The following FKTN variants were observed in gnomAD, a reference collection of about 807,000 sequenced individuals.
FKTN encodes ribitol-5-phosphate transferase FKTN.
Under a neutral mutation model 58.6 loss-of-function variants are expected in FKTN, and 47 were observed. The observed-to-expected ratio is 0.80, with a 90% CI of 0.63 to 1.02. FKTN has a LOEUF of 1.02. FKTN is among the 50% of genes least tolerant of loss of function. FKTN has a pLI of 0.00. For synonymous variants in FKTN, 178 were observed against 191.9 expected (o/e 0.93, Z 0.60); for missense variants, 516 against 537.3 (o/e 0.96, Z 0.39).
At position 105,640,620 on chromosome 9, in the gene FKTN, C is replaced by T. The variant is rs553575648; in HGVS notation, c.*5356C>T. 31 of 151,950 alleles carry T rather than the reference C, an allele frequency of 2.0e-4. No individual in the cohort carries two copies. Among genetic ancestry groups the T allele is most frequent in the South Asian group, 1.0e-3 (5 of 4,820 alleles). The allele number at this position is 151,950 out of a possible 1,614,324, so 9.4% of individuals were successfully genotyped here. On this transcript the variant is annotated 3_prime_UTR_variant, in exon 11 of 11. Coordinates refer to ENST00000357998, the MANE Select transcript of FKTN (RefSeq NM_001079802.2). ...CTATCAAAACTTCTACCCTAGAATA[C>T]CCCCTGGCACCTTCTAACCCAACCT...
intron 1 of FKTN, among the ~76,000 whole-genome samples, chr9:105,560,351 A>G (rs976534252): frequency 6.6e-6 from 1 of 152,170 alleles, no homozygotes; most frequent in Non-Finnish European, 1.5e-5. Context: ...ATTCTGTATT[A>G]CTAACAAGCT....
intron 9 of FKTN, among the ~76,000 whole-genome samples, chr9:105,618,807 C>CG (rs1831933135): frequency 6.6e-6 from 1 of 152,150 alleles, no homozygotes; most frequent in African/African-American, 2.4e-5. Flanking sequence ...CGGTGGCTCA[C>CG]GCCTGTAATC....
intron 10 of FKTN, among the ~76,000 whole-genome samples, chr9:105,629,368 CTT>C (rs1342535368): frequency 1.3e-5 from 2 of 152,166 alleles, no homozygotes; most frequent in Non-Finnish European, 2.9e-5. Context: ...CAATGATAAA[CTT>C]TGAGACTTTC....
chr9:105,596,526 A>T (rs1202565832), intron 3 of FKTN, 72 bp from the exon 4 acceptor site: 15 of 927,842 alleles, frequency 1.6e-5, no homozygotes, highest in Non-Finnish European at 2.5e-5. Context: ...TTTGAATCTC[A>T]TGCCTAACTG....
At chr9:105,572,598 T>A (rs550834606) in intron 1 of FKTN, among the ~76,000 whole-genome samples, 7 of 152,232 alleles carry the variant, frequency 4.6e-5, no homozygotes, top group Non-Finnish European at 1.0e-4. Context: ...GCAATGGGAA[T>A]TTCCTTGGAT....
intron 6 of FKTN, among the ~76,000 whole-genome samples, chr9:105,607,218 A>G (rs1370726989): frequency 6.6e-6 from 1 of 152,104 alleles, no homozygotes; most frequent in Non-Finnish European, 1.5e-5. Flanking sequence ...CAAAATACAT[A>G]AGATAGATTT....
chr9:105,622,012 A>ATGT (rs1012371478), intron 10 of FKTN, among the ~76,000 whole-genome samples: 1 of 152,094 alleles, frequency 6.6e-6, no homozygotes, highest in Admixed American at 6.5e-5. Context: ...CCCTCCAAAG[A>ATGT]TGTTTCCCCA....
intron 3 of FKTN, among the ~76,000 whole-genome samples, chr9:105,581,311 G>A (rs1842845383): frequency 6.8e-6 from 1 of 147,316 alleles, no homozygotes; most frequent in Admixed American, 6.7e-5. Context: ...TCTACTTTTG[G>A]TCTTTGATGA....
intron 5 of FKTN, chr9:105,603,587 CA>C (rs1393969428): frequency 6.6e-6 from 1 of 152,250 alleles, no homozygotes; most frequent in African/African-American, 2.4e-5. Context: ...CTTAAATCAA[CA>C]TTTACTTTAT....
chr9:105,582,027 G>A (rs1426963485), intron 3 of FKTN, among the ~76,000 whole-genome samples: 8 of 151,998 alleles, frequency 5.3e-5, no homozygotes, highest in African/African-American at 1.7e-4. Context: ...GCTTCGGCTC[G>A]CGCACGGTGC....
chr9:105,620,003 G>A lies in FKTN; in HGVS notation c.1114G>A (p.Glu372Lys). Residue 372 changes from glutamate to lysine, a missense_variant, in exon 10 of 11, where the codon GAA (glutamate) becomes AAA (lysine). Physicochemically the swap from Glu to Lys is moderately conservative, Grantham distance 56 (BLOSUM62 1). Coordinates refer to ENST00000357998, the MANE Select transcript of FKTN (RefSeq NM_001079802.2). ...DVKLDVFFFY[E>K]ETDHMWNGGT... Reference sequence around the variant, plus strand: ...AAAACTTGATGTTTTTTTCTTCTATGAAGAAACTGATCACATGTGGAATGG... The same window carrying A: ...AAAACTTGATGTTTTTTTCTTCTATAAAGAAACTGATCACATGTGGAATGG... 6.2e-7 allele frequency: 1 copy of A among 1,612,810 alleles called. No individual in the cohort carries two copies. Among genetic ancestry groups the A allele is most frequent in the African/African-American group, 1.3e-5 (1 of 74,928 alleles).
intron 3 of FKTN, among the ~76,000 whole-genome samples, chr9:105,588,384 AC>A (rs1844279086): frequency 6.6e-6 from 1 of 152,204 alleles, no homozygotes; most frequent in Admixed American, 6.5e-5. Context: ...AGTTGACTTT[AC>A]ATGGCATTTC....
intron 10 of FKTN, among the ~76,000 whole-genome samples, chr9:105,624,662 C>A (rs1832537769): frequency 6.7e-6 from 1 of 150,028 alleles, no homozygotes. Flanking sequence ...CATTACTTTT[C>A]TCTTAACTAT....
intron 1 of FKTN, among the ~76,000 whole-genome samples, chr9:105,563,842 A>G (rs1838821508): frequency 6.6e-6 from 1 of 152,214 alleles, no homozygotes; most frequent in South Asian, 2.1e-4. Context: ...CTGAGAACGG[A>G]CAGACTGCCT....
At chr9:105,606,695 T>A (rs984071938) in intron 6 of FKTN, among the ~76,000 whole-genome samples, 178 of 83,224 alleles carry the variant, frequency 2.1e-3, no homozygotes, top group African/African-American at 0.011. Context: ...ATATATATAT[T>A]ATATATATAT....
Position 105,618,006 on chromosome 9 carries a change from C to A in FKTN, c.958C>A (p.Leu320Ile). Residue 320 changes from leucine to isoleucine, a missense_variant, in exon 9 of 11, where the codon CTA (leucine) becomes ATA (isoleucine). Leu to Ile is a conservative substitution (Grantham distance 5, BLOSUM62 2). Coordinates refer to ENST00000357998, the MANE Select transcript of FKTN (RefSeq NM_001079802.2). ...NIIPYSKDVD[L>I]GIFIQDYKSD... Reference sequence around the variant, plus strand: ...TATTCCTTATAGCAAAGATGTTGACCTAGGAATTTTTATACAAGATTACAA... The same window carrying A: ...TATTCCTTATAGCAAAGATGTTGACATAGGAATTTTTATACAAGATTACAA... 1 of 1,593,504 alleles carries A rather than the reference C, an allele frequency of 6.3e-7. No individual in the cohort carries two copies. Among genetic ancestry groups the A allele is most frequent in the Non-Finnish European group, 8.6e-7 (1 of 1,161,396 alleles).
intron 10 of FKTN, among the ~76,000 whole-genome samples, chr9:105,625,127 C>T (rs1343079139): frequency 6.6e-6 from 1 of 152,074 alleles, no homozygotes; most frequent in Non-Finnish European, 1.5e-5. Flanking sequence ...GAAAAAAAAT[C>T]ACATGGTAGT....
At chr9:105,581,139 G>A (rs1244764026) in intron 3 of FKTN, among the ~76,000 whole-genome samples, 2 of 149,346 alleles carry the variant, frequency 1.3e-5, no homozygotes, top group African/African-American at 2.5e-5. Flanking sequence ...AGAGTAATTT[G>A]ATCGTCTGAA....
At chr9:105,587,231 C>T (rs1224167980) in intron 3 of FKTN, among the ~76,000 whole-genome samples, 3 of 151,996 alleles carry the variant, frequency 2.0e-5, no homozygotes, top group Non-Finnish European at 4.4e-5. Context: ...TCTAGGAGCC[C>T]ACTTATAGAA....
Sources: gnomAD v4.1 joint callset for allele counts (sites outside exome capture counted in the v4.1 genomes callset) on GRCh38, gnomAD v4.1.1 for gene constraint, MANE v1.5 for transcripts, NCBI Gene and HGNC (gene_info 2026-07-23, HGNC 2026-07-21) for gene names.